DTNA: variants seen among roughly 807,000 people sequenced by gnomAD.
DTNA encodes the protein dystrophin-related protein 3.
In DTNA, 43 loss-of-function variants were observed where a neutral mutation model predicts 100.7. The observed-to-expected ratio is 0.43, with a 90% CI of 0.33 to 0.55. The LOEUF (loss-of-function observed/expected upper bound fraction) is 0.55. Among genes scored for constraint, DTNA ranks in the 20% least tolerant of loss-of-function variants. DTNA has a pLI of 0.04. For missense variants in DTNA, 798 were observed against 953.9 expected (o/e 0.84, Z 2.15); for synonymous variants, 349 against 347.9 (o/e 1.00, Z -0.04).
intron 1 of DTNA, among the ~76,000 whole-genome samples, chr18:34,751,278 C>T (rs2092292126): frequency 6.6e-6 from 1 of 152,248 alleles, no homozygotes; most frequent in African/African-American, 2.4e-5. Context: ...ACACATGAGT[C>T]TCACTCCTGA....
At chr18:34,761,473 G>A (rs1343426087) in intron 2 of DTNA, among the ~76,000 whole-genome samples, 2 of 152,108 alleles carry the variant, frequency 1.3e-5, no homozygotes, top group African/African-American at 4.8e-5. Context: ...GAATGGGTAG[G>A]GAAAAGGTGG....
intron 6 of DTNA, among the ~76,000 whole-genome samples, chr18:34,812,528 T>C (rs1416522128): frequency 6.6e-6 from 1 of 152,154 alleles, no homozygotes; most frequent in Non-Finnish European, 1.5e-5. Context: ...AAGACCTACC[T>C]TCTTCACATG....
chr18:34,681,898 C>G (rs950507413), intron 1 of DTNA, among the ~76,000 whole-genome samples: 2 of 152,114 alleles, frequency 1.3e-5, no homozygotes, highest in African/African-American at 4.8e-5. Flanking sequence ...TGACATGTAT[C>G]CACCACTGTG....
intron 2 of DTNA, among the ~76,000 whole-genome samples, chr18:34,763,291 C>T (rs1057245003): frequency 2.6e-5 from 4 of 152,236 alleles, no homozygotes; most frequent in East Asian, 1.9e-4. Flanking sequence ...CTCTGGTTAT[C>T]GGGCATCTTA....
chr18:34,560,739 C>T (rs1201454688), intron 1 of DTNA, among the ~76,000 whole-genome samples: 1 of 152,112 alleles, frequency 6.6e-6, no homozygotes, highest in Non-Finnish European at 1.5e-5. Context: ...AACCCTATCT[C>T]TACAAAAAAT....
chr18:34,581,784 C>A (rs1466028653), intron 1 of DTNA, among the ~76,000 whole-genome samples: 2 of 151,866 alleles, frequency 1.3e-5, no homozygotes, highest in African/African-American at 4.8e-5. Flanking sequence ...CCACCATGCC[C>A]CGCTAATTTT....
At chr18:34,869,151 G>A (rs553361314) in intron 17 of DTNA, among the ~76,000 whole-genome samples, 18 of 152,136 alleles carry the variant, frequency 1.2e-4, no homozygotes, top group Non-Finnish European at 2.4e-4. Flanking sequence ...ATAATCCATG[G>A]CTAATAGGAT....
At chr18:34,498,483 T>TAATAA (rs1555783600) in intron 1 of DTNA, among the ~76,000 whole-genome samples, 1 of 145,922 alleles carries the variant, frequency 6.9e-6, no homozygotes, top group Admixed American at 6.8e-5. Context: ...ATAATAATAA[T>TAATAA]TTAATCACCT....
chr18:34,831,328 C>A (rs1623716), intron 11 of DTNA, among the ~76,000 whole-genome samples: 38,435 of 152,092 alleles, frequency 0.25, 4,976 homozygotes, highest in African/African-American at 0.29. Context: ...CAAAAGGAAT[C>A]ACCTTGACTA....
rs753019854 is a variant in DTNA at position 34,501,962 on chromosome 18, TTTTTTA to T, written c.-2+8450_-2+8455del. ...AACAGCTACATTTTAATTTAAACTC[TTTTTTA>T]TCTTAATCACTTTCTTTAAAAGTCC... On this transcript the variant is annotated intron_variant, in intron 1 of 19. Coordinates refer to the DTNA transcript ENST00000283365. 3.0e-3 allele frequency among the ~76,000 whole-genome samples: 453 copies of T among 152,360 alleles called. 1 individual carries two copies. The highest frequency in any genetic ancestry group is 5.2e-3 in the Non-Finnish European group (351 of 68,038).
At chr18:34,534,156 G>C (rs2043442270) in intron 1 of DTNA, among the ~76,000 whole-genome samples, 1 of 151,834 alleles carries the variant, frequency 6.6e-6, no homozygotes. Flanking sequence ...GACCAGCCTG[G>C]CCAACGTGGT....
At chr18:34,559,172 G>T (rs1406471511) in intron 1 of DTNA, among the ~76,000 whole-genome samples, 2 of 152,212 alleles carry the variant, frequency 1.3e-5, no homozygotes, top group African/African-American at 4.8e-5. Flanking sequence ...AGGATGAAGA[G>T]AAAGTAAAGA....
In DTNA at chr18:34,718,179, A is replaced by T. The variant is rs528282284; in HGVS notation, c.-2+7734A>T. ...TATGCAAGTTTTTCAAACAGGACCA[A>T]CTTACATAAATCATCCTCTTGGAAG... On this transcript the variant is annotated intron_variant, in intron 1 of 22. Transcript: ENST00000444659. 4.5e-4 allele frequency among the ~76,000 whole-genome samples: 68 copies of T among 152,284 alleles called. No individual in the cohort carries two copies. The South Asian group carries it at 0.014, about 31-fold the overall frequency.
intron 1 of DTNA, chr18:34,737,745 C>G (rs1251026788): frequency 6.6e-6 from 1 of 152,122 alleles, no homozygotes; most frequent in Non-Finnish European, 1.5e-5. Flanking sequence ...TCGCAGAACT[C>G]TTTGTTTCCT....
intron 1 of DTNA, among the ~76,000 whole-genome samples, chr18:34,696,019 T>A (rs2080482730): frequency 6.6e-6 from 1 of 152,200 alleles, no homozygotes; most frequent in Admixed American, 6.5e-5. Flanking sequence ...ATAAGCAGAC[T>A]GATAGCAGGA....
intron 1 of DTNA, among the ~76,000 whole-genome samples, chr18:34,653,292 A>G (rs575322342): frequency 9.2e-5 from 14 of 152,274 alleles, no homozygotes; most frequent in South Asian, 2.1e-4. Flanking sequence ...TAGCATTTCA[A>G]TTTTATAGTC....
intron 1 of DTNA, among the ~76,000 whole-genome samples, chr18:34,651,975 A>ATGT (rs2060495221): frequency 1.3e-5 from 2 of 152,026 alleles, no homozygotes; most frequent in Non-Finnish European, 2.9e-5. Context: ...CTGAGGTGAC[A>ATGT]GGATCACTTG....
rs866933331 is a variant in DTNA, at chr18:34,788,127, G to A, written c.149-5910G>A. 2.9e-4 allele frequency among the ~76,000 whole-genome samples: 44 copies of A among 152,104 alleles called. 1 individual carries two copies. Among genetic ancestry groups the A allele is most frequent in the African/African-American group, 7.2e-5 (3 of 41,402 alleles). On this transcript the variant is annotated intron_variant, in intron 3 of 22. Coordinates refer to ENST00000444659, the MANE Select transcript of DTNA (RefSeq NM_001386795.1). The stretch of plus-strand genomic sequence containing the variant: ...TTGATAGCTATTTAGTAAAATGCGC[G>A]CAGTGCCATCTAGTGGTTCATAGTC...
intron 4 of DTNA, among the ~76,000 whole-genome samples, chr18:34,798,865 T>C (rs2095097136): frequency 6.6e-6 from 1 of 152,182 alleles, no homozygotes; most frequent in South Asian, 2.1e-4. Context: ...GGTTAAATAA[T>C]TTGCAGGTCA....
Sources: allele counts gnomAD v4.1 joint callset (sites outside exome capture counted in the v4.1 genomes callset), GRCh38; gene constraint gnomAD v4.1.1; transcripts MANE v1.5; gene names NCBI Gene and HGNC (gene_info 2026-07-23, HGNC 2026-07-21).